DNAJC5B: variants seen among roughly 807,000 people sequenced by gnomAD.
The protein encoded by DNAJC5B is DnaJ heat shock protein family (Hsp40) member C5 beta.
A neutral mutation model predicts 24.7 loss-of-function variants in DNAJC5B; 23 were observed. That is an observed-to-expected ratio of 0.93 (90% CI 0.67 to 1.32). DNAJC5B has a LOEUF of 1.32. DNAJC5B is among the 40% of genes most tolerant of loss of function. The pLI is 0.00. For missense variants in DNAJC5B, 238 were observed against 240.8 expected, an observed-to-expected ratio of 0.99 and a Z score of 0.08; for synonymous variants, 101 against 90.1, an observed-to-expected ratio of 1.12 and a Z score of -0.68.
chr8:66,053,639 T>TG (rs1373666424), intron 3 of DNAJC5B, among the ~76,000 whole-genome samples: 1 of 152,054 alleles, frequency 6.6e-6, no homozygotes, highest in Non-Finnish European at 1.5e-5. Flanking sequence ...ACCTTTTTTT[T>TG]TTTTTTTGAG....
intron 1 of DNAJC5B, among the ~76,000 whole-genome samples, chr8:66,027,097 A>T (rs78316763): frequency 0.016 from 2,410 of 152,268 alleles, 59 homozygotes; most frequent in African/African-American, 0.054. Flanking sequence ...TCTCCTACTG[A>T]AAGCTACAAG....
chr8:66,085,672 A>G (rs922882863), intron 5 of DNAJC5B, among the ~76,000 whole-genome samples: 2 of 152,076 alleles, frequency 1.3e-5, no homozygotes, highest in African/African-American at 4.8e-5. Context: ...CTCTTCATCA[A>G]TTCCACACTG....
chr8:66,033,260 T>C (rs1806399413), intron 1 of DNAJC5B, among the ~76,000 whole-genome samples: 1 of 152,238 alleles, frequency 6.6e-6, no homozygotes, highest in African/African-American at 2.4e-5. Flanking sequence ...TGTACAACCA[T>C]GTGGGTGCAA....
rs113558285 is a variant in DNAJC5B, at chr8:66,064,750, C to T, written c.120-11910C>T. 3.4e-3 allele frequency among the ~76,000 whole-genome samples: 515 copies of T among 152,272 alleles called. 3 individuals are homozygous for T. The highest frequency in any genetic ancestry group is 4.3e-3 in the Non-Finnish European group (291 of 68,032). Reference sequence around the variant, plus strand: ...ATACAGTACACAGAAATCTTAGTGGCGTGCTAAAAGCTGTCAGTGACCCAC... The same window carrying T: ...ATACAGTACACAGAAATCTTAGTGGTGTGCTAAAAGCTGTCAGTGACCCAC... On this transcript the variant is annotated intron_variant, in intron 3 of 5. Transcript: ENST00000276570.
intron 1 of DNAJC5B, among the ~76,000 whole-genome samples, chr8:66,033,508 C>A (rs1806405510): frequency 6.6e-6 from 1 of 152,210 alleles, no homozygotes; most frequent in Non-Finnish European, 1.5e-5. Flanking sequence ...TGGATCCACC[C>A]AGCGGATTCT....
intron 4 of DNAJC5B, among the ~76,000 whole-genome samples, chr8:66,077,634 C>A (rs547321454): frequency 5.3e-5 from 8 of 151,974 alleles, no homozygotes. Flanking sequence ...ATTTTGTGGA[C>A]GGTTCACATT....
chr8:66,064,555 G>A (rs1807149117), intron 3 of DNAJC5B, among the ~76,000 whole-genome samples: 1 of 152,180 alleles, frequency 6.6e-6, no homozygotes, highest in Non-Finnish European at 1.5e-5. Flanking sequence ...GAGATTGCTG[G>A]CCTGAAGAAA....
rs1472752232 is a variant in DNAJC5B, at chr8:66,092,242, C to T, written c.506-7695C>T. Among the ~76,000 whole-genome samples the T allele has an allele frequency of 2.6e-5, 4 of 152,142 alleles. No individual in the cohort carries two copies. In the East Asian group the frequency reaches 7.7e-4, roughly 29 times the overall value. On this transcript the variant is annotated intron_variant, in intron 5 of 5. Coordinates refer to ENST00000276570, the MANE Select transcript of DNAJC5B (RefSeq NM_033105.6). ...ACCAAGATTTGACTAGAAAAAGAAA[C>T]TGAACACCCTTCCTTCAGAAAAGGA...
intron 2 of DNAJC5B, among the ~76,000 whole-genome samples, chr8:66,044,742 A>G (rs1043124712): frequency 6.6e-6 from 1 of 152,236 alleles, no homozygotes; most frequent in African/African-American, 2.4e-5. Flanking sequence ...AAGATTAAGT[A>G]TCATGTACTA....
At chr8:66,089,887 T>C (rs1807809072) in intron 5 of DNAJC5B, among the ~76,000 whole-genome samples, 1 of 152,156 alleles carries the variant, frequency 6.6e-6, no homozygotes, top group South Asian at 2.1e-4. Context: ...CCCAATGAGA[T>C]CCCAGGAACA....
At chr8:66,018,681 C>T (rs12114319), upstream of DNAJC5B, among the ~76,000 whole-genome samples, 1 of 151,908 alleles carries the variant, frequency 6.6e-6, no homozygotes, top group Non-Finnish European at 1.5e-5. Flanking sequence ...ACATGAGTCT[C>T]TCACTCAGGC....
intron 3 of DNAJC5B, among the ~76,000 whole-genome samples, chr8:66,063,322 C>A (rs777931301): frequency 2.0e-5 from 3 of 152,160 alleles, no homozygotes; most frequent in Non-Finnish European, 2.9e-5. Context: ...ATCTGTGGTG[C>A]TTTTACCCAT....
chr8:66,062,215 G>A (rs897047739), intron 3 of DNAJC5B, among the ~76,000 whole-genome samples: 1 of 152,192 alleles, frequency 6.6e-6, no homozygotes, highest in Non-Finnish European at 1.5e-5. Context: ...TTTTCTCCTC[G>A]ATTATAGTCT....
intron 4 of DNAJC5B, among the ~76,000 whole-genome samples, chr8:66,078,679 G>A (rs76565135): frequency 0.062 from 9,413 of 152,264 alleles, 437 homozygotes; most frequent in African/African-American, 0.12. Flanking sequence ...GACTGTTAGT[G>A]AGGTGGCGGG....
rs146770093 is a variant in DNAJC5B at position 66,099,423 on chromosome 8, G to T, written c.506-514G>T. 1.2e-4 allele frequency among the ~76,000 whole-genome samples: 18 copies of T among 152,304 alleles called. No homozygotes were observed. The East Asian group carries it at 3.5e-3, about 29-fold the overall frequency. On this transcript the variant is annotated intron_variant, in intron 5 of 5. Coordinates refer to ENST00000276570, the MANE Select transcript of DNAJC5B (RefSeq NM_033105.6). ...ACCATTTTGGGCACTAGCTTTATGT[G>T]AGGAGATTTCTATTAGACTCTCCCT...
intron 1 of DNAJC5B, among the ~76,000 whole-genome samples, chr8:66,030,787 C>T (rs1806342409): frequency 6.6e-6 from 1 of 152,188 alleles, no homozygotes; most frequent in Non-Finnish European, 1.5e-5. Flanking sequence ...CAGGTGCCCA[C>T]CACCATGCCC....
At position 66,100,759 on chromosome 8, in the gene DNAJC5B, A is replaced by T. The variant is rs1808057401; in HGVS notation, c.*728A>T. On this transcript the variant is annotated 3_prime_UTR_variant, in exon 6 of 6. Coordinates refer to ENST00000276570, the MANE Select transcript of DNAJC5B (RefSeq NM_033105.6). The stretch of plus-strand genomic sequence containing the variant: ...ATGTTGATCATTTTCTAGTAAAATA[A>T]TTTTTGTATAACTGGCTCAGATTAG... Among the ~76,000 whole-genome samples the T allele has an allele frequency of 6.6e-6, 1 of 152,170 alleles. No individual in the cohort carries two copies.
chr8:66,073,202 AC>A (rs1411965072), intron 3 of DNAJC5B, among the ~76,000 whole-genome samples: 1 of 152,160 alleles, frequency 6.6e-6, no homozygotes, highest in Non-Finnish European at 1.5e-5. Context: ...AAATCAACAT[AC>A]AACAATTATT....
rs75499094 is a variant in DNAJC5B, at chr8:66,031,530, G to A, written c.-142+9825G>A. 2.0e-5 allele frequency among the ~76,000 whole-genome samples: 3 copies of A among 152,288 alleles called. No homozygotes were observed. The East Asian group carries it at 5.8e-4, about 29-fold the overall frequency. ...ACCAGTAGGAGAGATGGATATATGT[G>A]TGTAATGTATGCATTTTGTATATAC... is the stretch of plus-strand genomic sequence containing the variant. On this transcript the variant is annotated intron_variant, in intron 1 of 5. Coordinates refer to ENST00000276570, the MANE Select transcript of DNAJC5B (RefSeq NM_033105.6).
Sources: gnomAD v4.1 joint callset for allele counts (sites outside exome capture counted in the v4.1 genomes callset) on GRCh38, gnomAD v4.1.1 for gene constraint, MANE v1.5 for transcripts, NCBI Gene and HGNC (gene_info 2026-07-23, HGNC 2026-07-21) for gene names.